The following NCOA2 variants were observed in gnomAD, a reference collection of about 807,000 sequenced individuals.
NCOA2 encodes class E basic helix-loop-helix protein 75.
In NCOA2, 21 loss-of-function variants were observed where a neutral mutation model predicts 145.1. That is an observed-to-expected ratio of 0.14 (90% confidence interval 0.10 to 0.21). The LOEUF (loss-of-function observed/expected upper bound fraction) is 0.21. Ranked by LOEUF, NCOA2 falls within the 10% of genes least tolerant of loss-of-function variation. The pLI, the probability that NCOA2 is intolerant of heterozygous loss-of-function variation, is 1.00. For missense variants in NCOA2, 1,472 were observed against 1,837.6 expected, an observed-to-expected ratio of 0.80 and a Z score of 3.64; for synonymous variants, 619 against 637.5, an observed-to-expected ratio of 0.97 and a Z score of 0.44.
chr8:70,248,756 G>GA (rs1822835549), intron 2 of NCOA2, among the ~76,000 whole-genome samples: 1 of 68,122 alleles, frequency 1.5e-5, no homozygotes, highest in Non-Finnish European at 4.3e-5. Flanking sequence ...AATGACAGGG[G>GA]AAAAAAGTCT....
chr8:70,156,947 C>T lies in NCOA2; in HGVS notation c.1418G>A (p.Ser473Asn), dbSNP rs1410295733. The change falls in exon 11 of 23, where the codon AGC becomes AAC. Residue 473 changes from serine (S) to asparagine (N), a missense_variant. Coordinates refer to ENST00000452400, the MANE Select transcript of NCOA2 (RefSeq NM_006540.4). ...CTGTCCTGGATTCATGCCAGGGCTG[C>T]TTTGTGAGGGGCTGTTCATTTTGAG... ...YALKMNSPSQSSPGMNPGQPT... is the reference protein window; with the variant it reads ...YALKMNSPSQNSPGMNPGQPT... 6.8e-6 allele frequency: 11 copies of T among 1,613,900 alleles called. No homozygotes were observed. The highest frequency in any genetic ancestry group is 9.3e-6 in the Non-Finnish European group (11 of 1,179,898).
At chr8:70,221,747 T>C (rs942499709) in intron 2 of NCOA2, among the ~76,000 whole-genome samples, 1 of 152,196 alleles carries the variant, frequency 6.6e-6, no homozygotes, top group East Asian at 1.9e-4. Flanking sequence ...CTCAAGGATA[T>C]AATGTTGATT....
chr8:70,272,318 T>G (rs1171566263), intron 2 of NCOA2, among the ~76,000 whole-genome samples: 1 of 152,182 alleles, frequency 6.6e-6, no homozygotes, highest in African/African-American at 2.4e-5. Flanking sequence ...TTAAGCCAGA[T>G]TCACTCAAAG....
Position 70,144,655 on chromosome 8 carries a change from C to A in NCOA2, c.2799G>T (p.Gly933=). ...TTGACCCCTTACCTGTGCTACTGTT[C>A]CCTAAATTTCCTTGGTTTCCTATCA... ...QGMIGNQGNL[G]NSSTGMIGNS... is the part of the protein sequence containing the mutation. Residue 933 remains glycine (G), a synonymous_variant, in exon 13 of 23, where the codon GGG becomes GGT. Transcript: ENST00000452400. 6.2e-7 allele frequency: 1 copy of A among 1,613,760 alleles called. No homozygotes were observed. The highest frequency in any genetic ancestry group is 8.5e-7 in the Non-Finnish European group (1 of 1,179,704).
the NCOA2 span, among the ~76,000 whole-genome samples, chr8:70,425,784 A>G: frequency 6.6e-6 from 1 of 151,962 alleles, no homozygotes; most frequent in East Asian, 1.9e-4. Flanking sequence ...GATGATGCAA[A>G]CCCCATACCC....
intron 2 of NCOA2, among the ~76,000 whole-genome samples, chr8:70,290,010 CT>C (rs1055687938): frequency 1.3e-5 from 2 of 151,850 alleles, no homozygotes; most frequent in Non-Finnish European, 2.9e-5. Context: ...AATGCTACCC[CT>C]ACGTATACTT....
intron 4 of NCOA2, among the ~76,000 whole-genome samples, chr8:70,209,046 G>T (rs1818753508): frequency 6.6e-6 from 1 of 152,214 alleles, no homozygotes. Context: ...CACCATTCTA[G>T]ATGCCATGAA....
chr8:70,130,297 A>T (rs1808946565), intron 16 of NCOA2, among the ~76,000 whole-genome samples: 1 of 152,270 alleles, frequency 6.6e-6, no homozygotes, highest in Admixed American at 6.5e-5. Flanking sequence ...TGACAATATT[A>T]TAATGATGGT....
chr8:70,164,308 T>C (rs1250489971), intron 7 of NCOA2, among the ~76,000 whole-genome samples: 1 of 152,206 alleles, frequency 6.6e-6, no homozygotes, highest in Non-Finnish European at 1.5e-5. Flanking sequence ...CTTTGTAACA[T>C]GCAGAGTACT....
chr8:70,304,454 T>C (rs975158648), intron 1 of NCOA2, among the ~76,000 whole-genome samples: 4 of 151,800 alleles, frequency 2.6e-5, no homozygotes, highest in African/African-American at 9.7e-5. Flanking sequence ...ATCTAAGTGA[T>C]GCGTGACTAT....
chr8:70,403,908 A>G (rs1366180536), upstream of NCOA2: 7 of 371,494 alleles, frequency 1.9e-5, no homozygotes, highest in Admixed American at 4.6e-5. Flanking sequence ...AGAGACAGAC[A>G]GCGCGAGCTC....
At chr8:70,398,480 C>G (rs1408155546) in intron 1 of NCOA2, among the ~76,000 whole-genome samples, 1 of 152,044 alleles carries the variant, frequency 6.6e-6, no homozygotes, top group African/African-American at 2.4e-5. Context: ...ATAATAATAA[C>G]AACAACAGCA....
At chr8:70,424,200 A>C in the NCOA2 span, 3 of 281,798 alleles carry the variant, frequency 1.1e-5, no homozygotes, top group Non-Finnish European at 2.0e-5. Context: ...AGACACGAAG[A>C]CCCCAGAAGT....
intron 2 of NCOA2, among the ~76,000 whole-genome samples, chr8:70,249,389 C>A (rs1378304710): frequency 6.6e-6 from 1 of 152,202 alleles, no homozygotes; most frequent in Non-Finnish European, 1.5e-5. Context: ...GAGGAAAGAG[C>A]ATGCACTCAG....
chr8:70,187,090 G>GT (rs1816159122), intron 4 of NCOA2, among the ~76,000 whole-genome samples: 2 of 152,174 alleles, frequency 1.3e-5, no homozygotes, highest in Non-Finnish European at 2.9e-5. Context: ...AAGAATACAA[G>GT]GACTGGCATC....
At position 70,155,979 on chromosome 8, in the gene NCOA2, C is replaced by A; in HGVS notation, c.2386G>T (p.Gly796Cys). Residue 796 changes from glycine to cysteine, a missense_variant, in exon 11 of 23, where the codon GGT becomes TGT. Gly to Cys is a radical substitution (Grantham distance 159). Around this residue, in one of 4 missense-constraint regions of NCOA2, gnomAD observed 953 missense variants for 1,062.1 expected, o/e 0.90. Coordinates refer to ENST00000452400, the MANE Select transcript of NCOA2 (RefSeq NM_006540.4). ...TEKEEMSFEP[G>C]DQPGSELDNL... Reference sequence around the variant, plus strand: ...GATGTGATAAAACTTACCTGGTCACCAGGCTCAAAGCTCATCTCCTCCTTC... The same window carrying A: ...GATGTGATAAAACTTACCTGGTCACAAGGCTCAAAGCTCATCTCCTCCTTC... The A allele has an allele frequency of 1.3e-6, 2 of 1,567,806 alleles. No individual in the cohort carries two copies. The highest frequency in any genetic ancestry group is 1.2e-5 in the South Asian group (1 of 82,542).
chr8:70,169,168 G>A (rs1042868786), intron 6 of NCOA2, among the ~76,000 whole-genome samples: 3 of 152,160 alleles, frequency 2.0e-5, no homozygotes, highest in Non-Finnish European at 2.9e-5. Flanking sequence ...GAATCACTTA[G>A]TGAGTGGGAA....
the NCOA2 span, among the ~76,000 whole-genome samples, chr8:70,448,156 A>G: frequency 6.6e-6 from 1 of 152,152 alleles, no homozygotes; most frequent in East Asian, 1.9e-4. Context: ...ATGGAGGCTA[A>G]TGCTAATTTT....
intron 10 of NCOA2, among the ~76,000 whole-genome samples, chr8:70,158,126 A>T (rs1254077212): frequency 1.3e-5 from 2 of 152,232 alleles, no homozygotes; most frequent in Non-Finnish European, 2.9e-5. Flanking sequence ...GAAATTTGCC[A>T]CATCTGTAAT....
Sources: gnomAD v4.1 joint callset for allele counts (sites outside exome capture counted in the v4.1 genomes callset) on GRCh38, gnomAD v4.1.1 for gene constraint, gnomAD v4.1.1 regional missense constraint, MANE v1.5 for transcripts, NCBI Gene and HGNC (gene_info 2026-07-23, HGNC 2026-07-21) for gene names.